CDH11: variants seen among roughly 807,000 people sequenced by gnomAD.
The protein encoded by CDH11 is cadherin 11.
In CDH11, 11 loss-of-function variants were observed where a neutral mutation model predicts 67.8. The observed-to-expected ratio is 0.16, with a 90% confidence interval of 0.10 to 0.27. CDH11 has a LOEUF of 0.27. CDH11 is among the 10% of genes least tolerant of loss of function. CDH11 has a pLI of 1.00. For missense variants in CDH11, 847 were observed against 1,031.2 expected (o/e 0.82, Z 2.45); for synonymous variants, 419 against 400.0 (o/e 1.05, Z -0.57).
intron 1 of CDH11, among the ~76,000 whole-genome samples, chr16:65,067,388 G>C (rs1318006889): frequency 6.6e-6 from 1 of 152,192 alleles, no homozygotes; most frequent in Non-Finnish European, 1.5e-5. Context: ...GGGTACAAGA[G>C]TGTGAAAGAA....
At chr16:65,011,026 T>TAC (rs1242901789) in intron 2 of CDH11, among the ~76,000 whole-genome samples, 8 of 148,164 alleles carry the variant, frequency 5.4e-5, no homozygotes, top group South Asian at 2.1e-4. Context: ...TGTATATATA[T>TAC]ACACACATAT....
chr16:64,987,992 T>C (rs930642014), intron 7 of CDH11, 165 bp downstream of exon 7: 4 of 542,638 alleles, frequency 7.4e-6, no homozygotes, highest in South Asian at 3.1e-5. Context: ...CAGAAAGGAA[T>C]ACAATTCTGT....
chr16:64,955,849 C>G (rs977431388), intron 11 of CDH11, among the ~76,000 whole-genome samples: 2 of 152,126 alleles, frequency 1.3e-5, no homozygotes, highest in Admixed American at 6.5e-5. Flanking sequence ...TAACGAAACC[C>G]CTTTACTAGA....
chr16:65,006,125 C>G (rs763982276), intron 2 of CDH11, among the ~76,000 whole-genome samples: 4 of 152,162 alleles, frequency 2.6e-5, no homozygotes, highest in Non-Finnish European at 5.9e-5. Context: ...TAGAACCATA[C>G]ATTTGTTTTC....
intron 2 of CDH11, among the ~76,000 whole-genome samples, chr16:65,005,320 T>A (rs569398530): frequency 6.6e-6 from 1 of 152,186 alleles, no homozygotes; most frequent in African/African-American, 2.4e-5. Flanking sequence ...TCTGTTATAA[T>A]TGATCAAAAT....
chr16:64,953,544 T>G (rs2142378103), intron 11 of CDH11, among the ~76,000 whole-genome samples: 1 of 152,142 alleles, frequency 6.6e-6, no homozygotes, highest in South Asian at 2.1e-4. Context: ...AAACATTGCA[T>G]ATACTATGAA....
At chr16:65,087,365 GT>G (rs1897695337) in intron 1 of CDH11, among the ~76,000 whole-genome samples, 1 of 152,102 alleles carries the variant, frequency 6.6e-6, no homozygotes, top group South Asian at 2.1e-4. Flanking sequence ...AGGGGACTAT[GT>G]AATTGAGTTA....
At chr16:65,012,300 C>G (rs965555820) in intron 2 of CDH11, among the ~76,000 whole-genome samples, 1 of 152,180 alleles carries the variant, frequency 6.6e-6, no homozygotes, top group Non-Finnish European at 1.5e-5. Flanking sequence ...GCTCATTAAA[C>G]AACACCCAGT....
intron 2 of CDH11, among the ~76,000 whole-genome samples, chr16:65,011,824 G>A (rs1290854187): frequency 6.6e-6 from 1 of 152,190 alleles, no homozygotes; most frequent in African/African-American, 2.4e-5. Flanking sequence ...TAAGATACCT[G>A]AGGGAAGATT....
chr16:64,981,949 C>G (rs962056846), intron 8 of CDH11, 99 bp downstream of exon 8: 12 of 1,047,246 alleles, frequency 1.1e-5, no homozygotes, highest in African/African-American at 1.1e-4. Flanking sequence ...AAACTTGAAC[C>G]CTTTTTGAAA....
chr16:65,017,382 TAGAAG>T (rs1354803934), intron 2 of CDH11, among the ~76,000 whole-genome samples: 4 of 152,170 alleles, frequency 2.6e-5, no homozygotes, highest in Non-Finnish European at 5.9e-5. Context: ...TCAGGCTGAA[TAGAAG>T]CAATGATATT....
chr16:64,977,479 C>A (rs566712571), intron 8 of CDH11, among the ~76,000 whole-genome samples: 1 of 152,318 alleles, frequency 6.6e-6, no homozygotes, highest in South Asian at 2.1e-4. Flanking sequence ...TAAAAAGTTT[C>A]TAATGCACCT....
intron 2 of CDH11, among the ~76,000 whole-genome samples, chr16:65,033,772 T>C (rs2073696251): frequency 6.6e-6 from 1 of 152,098 alleles, no homozygotes; most frequent in African/African-American, 2.4e-5. Flanking sequence ...TAAAATAGTT[T>C]AGCACCAGTA....
At chr16:65,103,705 A>G (rs890332121) in intron 1 of CDH11, among the ~76,000 whole-genome samples, 2 of 152,236 alleles carry the variant, frequency 1.3e-5, no homozygotes, top group African/African-American at 2.4e-5. Flanking sequence ...TAAGGTATCC[A>G]CTAGCTGCAT....
At position 65,005,033 on chromosome 16, in the gene CDH11, A is replaced by G. The variant is rs1450384731; in HGVS notation, c.-164T>C. ...TCACGTCAGGGCTGCCCACGTCCCC[A>G]GTTAGCTTCTGCAAGCAGAGAGAGG... On this transcript the variant is annotated 5_prime_UTR_variant, in exon 3 of 13. Coordinates refer to ENST00000268603, the MANE Select transcript of CDH11 (RefSeq NM_001797.4). 1.5e-6 allele frequency: 2 copies of G among 1,349,108 alleles called. No individual in the cohort carries two copies. Among genetic ancestry groups the G allele is most frequent in the African/African-American group, 1.5e-5 (1 of 66,310 alleles). 83.6% of individuals were successfully genotyped at this position (1,349,108 alleles called of 1,614,324 possible). A position where few individuals can be genotyped will look rare whatever the true frequency, so the allele number is the denominator to read the frequency against.
intron 4 of CDH11, among the ~76,000 whole-genome samples, chr16:64,994,025 A>G (rs2072702562): frequency 2.0e-5 from 3 of 152,212 alleles, no homozygotes; most frequent in Admixed American, 2.0e-4. Flanking sequence ...AATCCAGCAC[A>G]CAACAAAACT....
chr16:65,076,985 C>G (rs1253424935), intron 1 of CDH11, among the ~76,000 whole-genome samples: 1 of 152,054 alleles, frequency 6.6e-6, no homozygotes, highest in Non-Finnish European at 1.5e-5. Flanking sequence ...TCAGGGGCAA[C>G]TGAGGCCCAA....
chr16:65,083,965 G>T (rs976312111), intron 1 of CDH11, among the ~76,000 whole-genome samples: 1 of 152,106 alleles, frequency 6.6e-6, no homozygotes, highest in African/African-American at 2.4e-5. Context: ...GTTCTGGAGA[G>T]GATTTCCCTT....
intron 11 of CDH11, 65 bp from the exon 12 acceptor site, chr16:64,951,083 G>A: frequency 3.9e-6 from 6 of 1,527,936 alleles, no homozygotes; most frequent in Non-Finnish European, 5.3e-6. Context: ...GCGGCTCTCT[G>A]CTCGGCAGAT....
Sources: gnomAD v4.1 joint callset for allele counts (sites outside exome capture counted in the v4.1 genomes callset) on GRCh38, gnomAD v4.1.1 for gene constraint, MANE v1.5 for transcripts, NCBI Gene and HGNC (gene_info 2026-07-23, HGNC 2026-07-21) for gene names.